Variants in NLGN1 observed in about 807,000 individuals in gnomAD.
NLGN1 encodes neuroligin-1.
In NLGN1, 12 loss-of-function variants were observed where a neutral mutation model predicts 65.5. The ratio of observed to expected loss-of-function variants is 0.18; its 90% CI spans 0.12 to 0.30. The LOEUF (loss-of-function observed/expected upper bound fraction) is 0.30. Ranked by LOEUF, NLGN1 falls within the 10% of genes least tolerant of loss-of-function variation. The pLI, the probability that NLGN1 is intolerant of heterozygous loss-of-function variation, is 1.00. For synonymous variants in NLGN1, 350 were observed against 359.5 expected (o/e 0.97, Z 0.30); for missense variants, 750 against 1,007.1 (o/e 0.74, Z 3.46).
chr3:173,885,161 G>A (rs1734101508), intron 4 of NLGN1, among the ~76,000 whole-genome samples: 1 of 151,904 alleles, frequency 6.6e-6, no homozygotes, highest in African/African-American at 2.4e-5. Flanking sequence ...TAGATCTGAG[G>A]GTCTTTAATC....
At position 174,044,157 on chromosome 3, in the gene NLGN1, G is replaced by T. The variant is rs138141272; in HGVS notation, c.647-231158G>T. On this transcript the variant is annotated intron_variant, in intron 4 of 6. Coordinates refer to ENST00000457714, the Ensembl canonical transcript of NLGN1. ...AGTCCTGAGACTACACACACCTGGG[G>T]AGCCCTGGGCCTGGCCCACAACACC... Among the ~76,000 whole-genome samples, 41 of 152,228 alleles carry T rather than the reference G, an allele frequency of 2.7e-4. No individual in the cohort carries two copies. In the East Asian group the frequency reaches 7.4e-3, roughly 27 times the overall value.
intron 2 of NLGN1, among the ~76,000 whole-genome samples, chr3:173,471,467 T>G (rs1304786693): frequency 1.3e-5 from 2 of 152,114 alleles, no homozygotes; most frequent in Non-Finnish European, 2.9e-5. Flanking sequence ...TGGCGTTCTA[T>G]CTGTGTATGT....
chr3:173,413,279 C>T (rs1178204994), intron 1 of NLGN1, among the ~76,000 whole-genome samples: 1 of 152,044 alleles, frequency 6.6e-6, no homozygotes, highest in Non-Finnish European at 1.5e-5. Flanking sequence ...TCTATCCATC[C>T]ATCTACCTAT....
intron 4 of NLGN1, among the ~76,000 whole-genome samples, chr3:174,274,711 A>G (rs1437425859): frequency 6.6e-6 from 1 of 151,866 alleles, no homozygotes; most frequent in Admixed American, 6.6e-5. Flanking sequence ...ATGTGGCCTC[A>G]AGTCATCTCT....
At chr3:174,223,797 G>T (rs1739103571) in intron 4 of NLGN1, among the ~76,000 whole-genome samples, 1 of 152,152 alleles carries the variant, frequency 6.6e-6, no homozygotes, top group South Asian at 2.1e-4. Context: ...ACATGACTTG[G>T]TGCCTACAGT....
At chr3:173,721,900 G>A (rs1253908112) in intron 3 of NLGN1, among the ~76,000 whole-genome samples, 1 of 151,694 alleles carries the variant, frequency 6.6e-6, no homozygotes, top group Non-Finnish European at 1.5e-5. Context: ...ATGCTGAGAA[G>A]GAAGTTGGTG....
At chr3:173,780,904 G>A (rs1781024484) in intron 3 of NLGN1, among the ~76,000 whole-genome samples, 2 of 152,226 alleles carry the variant, frequency 1.3e-5, no homozygotes, top group South Asian at 4.1e-4. Flanking sequence ...CACTTTGGGA[G>A]GCCGAGGCGG....
chr3:173,454,443 C>A (rs1462966325), intron 2 of NLGN1, among the ~76,000 whole-genome samples: 1 of 152,194 alleles, frequency 6.6e-6, no homozygotes, highest in Non-Finnish European at 1.5e-5. Context: ...CTGTTATCAT[C>A]TTTCTTTAGA....
At chr3:173,757,991 T>C (rs1194313974) in intron 3 of NLGN1, among the ~76,000 whole-genome samples, 1 of 152,052 alleles carries the variant, frequency 6.6e-6, no homozygotes, top group Non-Finnish European at 1.5e-5. Context: ...ATGTTGAAGC[T>C]CTAAGCCTCA....
At chr3:174,237,550 TG>T (rs1413514468) in intron 4 of NLGN1, among the ~76,000 whole-genome samples, 1 of 152,154 alleles carries the variant, frequency 6.6e-6, no homozygotes, top group Non-Finnish European at 1.5e-5. Flanking sequence ...AATAAATATT[TG>T]GTTAGGATAC....
chr3:173,541,490 A>G (rs556674614), intron 2 of NLGN1, among the ~76,000 whole-genome samples: 107 of 152,220 alleles, frequency 7.0e-4, no homozygotes, highest in African/African-American at 2.3e-3. Context: ...TTCAGTGCAT[A>G]TTGTCTATGA....
chr3:174,097,798 G>A (rs1745815056), intron 4 of NLGN1, among the ~76,000 whole-genome samples: 1 of 152,192 alleles, frequency 6.6e-6, no homozygotes, highest in Non-Finnish European at 1.5e-5. Flanking sequence ...GGTCAGAGGT[G>A]TGGTACAGTC....
At chr3:173,932,575 A>G (rs1744299625) in intron 4 of NLGN1, among the ~76,000 whole-genome samples, 1 of 152,110 alleles carries the variant, frequency 6.6e-6, no homozygotes, top group South Asian at 2.1e-4. Context: ...GAAAGAAATT[A>G]GCTTTAATAC....
At chr3:173,462,793 T>C (rs1686594984) in intron 2 of NLGN1, among the ~76,000 whole-genome samples, 1 of 152,216 alleles carries the variant, frequency 6.6e-6, no homozygotes, top group African/African-American at 2.4e-5. Context: ...TTGTCATTAA[T>C]TTGTTTTCTT....
At chr3:173,547,231 A>C (rs1431613675) in intron 2 of NLGN1, among the ~76,000 whole-genome samples, 5 of 152,130 alleles carry the variant, frequency 3.3e-5, no homozygotes, top group Admixed American at 6.6e-5. Flanking sequence ...ACCACCATCA[A>C]CTGTCATTTG....
chr3:174,280,828 C>T lies in NLGN1; in HGVS notation c.1997C>T (p.Ser666Leu). 5 of 1,613,418 alleles carry T rather than the reference C, an allele frequency of 3.1e-6. No individual in the cohort carries two copies. Among genetic ancestry groups the T allele is most frequent in the Non-Finnish European group, 4.2e-6 (5 of 1,179,582 alleles). ...CCCAAACAACAACCAAGTCCATTTTCAGTGGATCAAAGGGACTACTCAACA... is the reference window on the plus strand; with the variant it reads ...CCCAAACAACAACCAAGTCCATTTTTAGTGGATCAAAGGGACTACTCAACA... The change falls in exon 7 of 7, where the codon TCA becomes TTA. Residue 666 changes from serine (S) to leucine (L), a missense_variant. Ser to Leu is a moderately radical substitution (Grantham distance 145). Coordinates refer to ENST00000457714, the Ensembl canonical transcript of NLGN1. The surrounding 1 kb of genome is among the most constrained non-coding windows in gnomAD (Gnocchi z 4.9).
At chr3:173,857,938 A>G (rs1215394965) in intron 4 of NLGN1, among the ~76,000 whole-genome samples, 1 of 134,532 alleles carries the variant, frequency 7.4e-6, no homozygotes, top group Non-Finnish European at 1.6e-5. Context: ...TCCTTATTTT[A>G]CTATCCAAGA....
In NLGN1 at chr3:173,753,195, T is replaced by C. The variant is rs149805619; in HGVS notation, c.494-54485T>C. Among the ~76,000 whole-genome samples the C allele has an allele frequency of 7.2e-5, 11 of 152,282 alleles. No individual in the cohort carries two copies. In the East Asian group the frequency reaches 9.7e-4, roughly 13 times the overall value. The stretch of plus-strand genomic sequence containing the variant: ...CATCCAGACTCCTGGCTTTAAATAC[T>C]GTCTATGAATTTATAATGCTTAAAT... On this transcript the variant is annotated intron_variant, in intron 3 of 6. Transcript: ENST00000457714.
At chr3:173,981,131 T>G (rs1263861104) in intron 4 of NLGN1, among the ~76,000 whole-genome samples, 1 of 152,144 alleles carries the variant, frequency 6.6e-6, no homozygotes, top group Non-Finnish European at 1.5e-5. Context: ...CTAATTGTCC[T>G]CCTGGTGACA....
Sources: allele counts gnomAD v4.1 joint callset (sites outside exome capture counted in the v4.1 genomes callset), GRCh38; gene constraint gnomAD v4.1.1; non-coding constraint Gnocchi (gnomAD v3.1); transcripts MANE v1.5; gene names NCBI Gene and HGNC (gene_info 2026-07-23, HGNC 2026-07-21).